The following ITGB5 variants were observed in gnomAD, a reference collection of about 807,000 sequenced individuals.
ITGB5 encodes the protein integrin subunit beta 5.
A neutral mutation model predicts 84.8 loss-of-function variants in ITGB5; 38 were observed. The observed-to-expected ratio is 0.45, with a 90% CI of 0.35 to 0.59. The LOEUF is 0.59. ITGB5 is among the 20% of genes least tolerant of loss of function. The pLI, the probability that ITGB5 is intolerant of heterozygous loss-of-function variation, is 0.01. For synonymous variants in ITGB5, 393 were observed against 414.4 expected (o/e 0.95, Z 0.63); for missense variants, 905 against 1,034.5 (o/e 0.87, Z 1.72).
chr3:124,780,132 C>T (rs1490281787), intron 10 of ITGB5, among the ~76,000 whole-genome samples: 2 of 123,286 alleles, frequency 1.6e-5, no homozygotes, highest in Non-Finnish European at 3.2e-5. Flanking sequence ...TCAGGGAGGC[C>T]TCTGAGGCAG....
At chr3:124,861,709 G>A (rs943648993) in intron 2 of ITGB5, among the ~76,000 whole-genome samples, 11 of 151,738 alleles carry the variant, frequency 7.2e-5, no homozygotes, top group Admixed American at 5.3e-4. Flanking sequence ...TTACAGCCAC[G>A]CACCACCATG....
intron 1 of ITGB5, among the ~76,000 whole-genome samples, chr3:124,884,060 C>A (rs1934694901): frequency 6.6e-6 from 1 of 152,124 alleles, no homozygotes; most frequent in South Asian, 2.1e-4. Context: ...TCCAGGAACA[C>A]CCAGGCAGGC....
rs554315204 is a variant in ITGB5, at chr3:124,844,968, C to T, written c.611+3341G>A. 7.2e-5 allele frequency among the ~76,000 whole-genome samples: 11 copies of T among 152,322 alleles called. No homozygotes were observed. In the South Asian group the frequency reaches 2.3e-3, roughly 32 times the overall value. On this transcript the variant is annotated intron_variant, in intron 4 of 14. Transcript: ENST00000296181. ...CCTGGAGATTCTCGACAACGGCAAA[C>T]ATAAAACTGCTCTGCAGGGATGCCC...
At chr3:124,872,263 G>T (rs577627634) in intron 2 of ITGB5, among the ~76,000 whole-genome samples, 21 of 152,304 alleles carry the variant, frequency 1.4e-4, no homozygotes, top group Admixed American at 1.1e-3. Context: ...GGAGGGAAAA[G>T]CTTGGGCTCA....
intron 8 of ITGB5, among the ~76,000 whole-genome samples, chr3:124,813,023 G>A (rs146703208): frequency 3.9e-5 from 6 of 152,300 alleles, no homozygotes; most frequent in African/African-American, 1.4e-4. Context: ...AACACAAGCG[G>A]TCTGGAGAGA....
intron 3 of ITGB5, among the ~76,000 whole-genome samples, chr3:124,857,027 G>A (rs978187194): frequency 6.6e-6 from 1 of 152,162 alleles, no homozygotes; most frequent in African/African-American, 2.4e-5. Context: ...CTGATTCCTG[G>A]GCAGGCAACC....
intron 3 of ITGB5, chr3:124,857,395 G>A (rs2065234333): frequency 6.6e-6 from 1 of 152,140 alleles, no homozygotes; most frequent in African/African-American, 2.4e-5. Context: ...TGCCCATGAG[G>A]AACAAAGGTG....
intron 1 of ITGB5, among the ~76,000 whole-genome samples, chr3:124,898,627 C>T (rs969399064): frequency 1.9e-5 from 2 of 104,642 alleles, no homozygotes; most frequent in African/African-American, 7.4e-5. Context: ...CTAGGCGACA[C>T]AGCGAGACTC....
intron 14 of ITGB5, among the ~76,000 whole-genome samples, 196 bp downstream of exon 14, chr3:124,764,194 CA>C (rs762876539): frequency 1.2e-4 from 18 of 152,226 alleles, no homozygotes; most frequent in Non-Finnish European, 1.9e-4. Flanking sequence ...GGGTCTGGAA[CA>C]GGGATCTGTG....
intron 10 of ITGB5, among the ~76,000 whole-genome samples, chr3:124,794,984 C>G (rs1184067843): frequency 6.6e-6 from 1 of 152,164 alleles, no homozygotes; most frequent in Non-Finnish European, 1.5e-5. Context: ...TCCAGCATGA[C>G]AAGTAACGCA....
chr3:124,815,204 A>G (rs2064569150), intron 8 of ITGB5, among the ~76,000 whole-genome samples: 1 of 152,248 alleles, frequency 6.6e-6, no homozygotes, highest in African/African-American at 2.4e-5. Context: ...AGAACCCACC[A>G]GTCACATAGA....
At chr3:124,841,892 C>T (rs1008633098) in intron 4 of ITGB5, among the ~76,000 whole-genome samples, 3 of 152,208 alleles carry the variant, frequency 2.0e-5, no homozygotes, top group African/African-American at 7.2e-5. Flanking sequence ...GGGTGTGGGC[C>T]AGCCTAGGCA....
chr3:124,883,280 TTAGA>T (rs1934660116), intron 1 of ITGB5, among the ~76,000 whole-genome samples: 1 of 152,176 alleles, frequency 6.6e-6, no homozygotes, highest in South Asian at 2.1e-4. Context: ...GCCAAACTAC[TTAGA>T]TATTTTAATT....
In ITGB5 at chr3:124,807,858, C is replaced by T. The variant is rs1579229004; in HGVS notation, c.1263+1164G>A. 3.7e-5 allele frequency among the ~76,000 whole-genome samples: 5 copies of T among 134,460 alleles called. No homozygotes were observed. The South Asian group carries it at 7.6e-4, about 20-fold the overall frequency. 88.2% of individuals were successfully genotyped at this position (134,460 alleles called of 152,430 possible). On this transcript the variant is annotated intron_variant, in intron 9 of 14. Transcript: ENST00000296181. ...TCAGGAGGCTGAGGCAGGAGAATGG[C>T]GTGAACCCGGGAGGCAGAGCTTGCA...
chr3:124,770,860 G>A (rs187107541), intron 11 of ITGB5, among the ~76,000 whole-genome samples: 1 of 152,308 alleles, frequency 6.6e-6, no homozygotes, highest in East Asian at 1.9e-4. Context: ...GGTGGTTCCA[G>A]CTTCAGTCAT....
rs763099829 is a variant in ITGB5 at position 124,809,060 on chromosome 3, C to A, written c.1225G>T (p.Gly409Cys). ...TTCAGACCCTCACACTTCCTCTGAC[C>A]AGGATAGGATACCCCATCTTGGCAG... ...ATCQDGVSYP[G>C]QRKCEGLKIG... Residue 409 changes from glycine to cysteine, a missense_variant, in exon 9 of 15, where the codon GGT becomes TGT. Transcript: ENST00000296181. The A allele has an allele frequency of 1.2e-6, 2 of 1,614,118 alleles. No homozygotes were observed. Among genetic ancestry groups the A allele is most frequent in the Admixed American group, 3.3e-5 (2 of 60,020 alleles).
At chr3:124,897,807 T>G (rs2107662416) in intron 1 of ITGB5, among the ~76,000 whole-genome samples, 1 of 152,358 alleles carries the variant, frequency 6.6e-6, no homozygotes. Context: ...GGAAATTTTG[T>G]AAGGTGAAGG....
intron 9 of ITGB5, among the ~76,000 whole-genome samples, chr3:124,798,267 G>A (rs376255554): frequency 1.3e-5 from 2 of 152,028 alleles, no homozygotes; most frequent in South Asian, 4.2e-4. Flanking sequence ...TGGCCAGGAT[G>A]GTCTCCATCT....
intron 4 of ITGB5, among the ~76,000 whole-genome samples, chr3:124,842,707 T>C (rs1323806009): frequency 1.3e-5 from 2 of 152,152 alleles, no homozygotes; most frequent in East Asian, 3.9e-4. Flanking sequence ...AGGGAAAGGC[T>C]TTATAATCTA....
Sources: gnomAD v4.1 joint callset for allele counts (sites outside exome capture counted in the v4.1 genomes callset) on GRCh38, gnomAD v4.1.1 for gene constraint, MANE v1.5 for transcripts, NCBI Gene and HGNC (gene_info 2026-07-23, HGNC 2026-07-21) for gene names.